LPP: variants seen among roughly 807,000 people sequenced by gnomAD.
The protein encoded by LPP is LIM domain containing preferred translocation partner in lipoma.
Under a neutral mutation model 60.4 loss-of-function variants are expected in LPP, and 38 were observed. The observed-to-expected ratio is 0.63, with a 90% CI of 0.49 to 0.83. The LOEUF is 0.83. Among genes scored for constraint, LPP ranks in the 40% least tolerant of loss-of-function variants. The pLI is 0.00. For synonymous variants in LPP, 328 were observed against 290.8 expected (o/e 1.13, Z -1.30); for missense variants, 902 against 783.6 (o/e 1.15, Z -1.80).
chr3:188,189,850 G>T (rs1727644446), intron 1 of LPP, among the ~76,000 whole-genome samples: 1 of 152,000 alleles, frequency 6.6e-6, no homozygotes, highest in South Asian at 2.1e-4. Flanking sequence ...CTCGGAGGTG[G>T]GGAAGGGTTT....
intron 11 of LPP, 130 bp from the exon 12 acceptor site, chr3:188,874,221 A>G (rs1768941188): frequency 5.7e-6 from 4 of 698,678 alleles, no homozygotes; most frequent in Non-Finnish European, 9.4e-6. Flanking sequence ...GATTAGCAGA[A>G]TGTAAAGCAG....
intron 6 of LPP, among the ~76,000 whole-genome samples, chr3:188,560,124 T>C (rs1830334179): frequency 6.6e-6 from 1 of 152,126 alleles, no homozygotes; most frequent in South Asian, 2.1e-4. Context: ...ATATTTACTT[T>C]TTGACATGGC....
chr3:188,316,011 C>T (rs940984892), intron 2 of LPP, among the ~76,000 whole-genome samples: 10 of 152,190 alleles, frequency 6.6e-5, no homozygotes, highest in Non-Finnish European at 1.3e-4. Flanking sequence ...CGGTGGCTTA[C>T]GCCTATAATC....
intron 4 of LPP, among the ~76,000 whole-genome samples, chr3:188,472,150 AAT>A (rs1802010157): frequency 1.3e-5 from 2 of 152,190 alleles, no homozygotes; most frequent in South Asian, 2.1e-4. Context: ...AATCCTGAAT[AAT>A]TAACCCCAAA....
intron 3 of LPP, among the ~76,000 whole-genome samples, chr3:188,347,400 A>G (rs1010742259): frequency 6.6e-6 from 1 of 152,206 alleles, no homozygotes; most frequent in Non-Finnish European, 1.5e-5. Context: ...ATCATATGAA[A>G]CACATTATGC....
intron 2 of LPP, among the ~76,000 whole-genome samples, chr3:188,280,373 G>A (rs1741507373): frequency 6.6e-6 from 1 of 152,166 alleles, no homozygotes; most frequent in Non-Finnish European, 1.5e-5. Context: ...AAGAGGTTGT[G>A]AGAGAGCAAT....
At chr3:188,289,968 A>G (rs79390807) in intron 2 of LPP, among the ~76,000 whole-genome samples, 249 of 152,026 alleles carry the variant, frequency 1.6e-3, no homozygotes, top group African/African-American at 5.7e-3. Context: ...AGTTCACCCT[A>G]TCTTGGAAGT....
intron 5 of LPP, among the ~76,000 whole-genome samples, chr3:188,518,401 G>A (rs1044757264): frequency 6.6e-6 from 1 of 152,100 alleles, no homozygotes; most frequent in Admixed American, 6.5e-5. Context: ...TGTATTATTA[G>A]CCTCTTAGGT....
At chr3:188,561,954 A>G (rs1472474251) in intron 6 of LPP, among the ~76,000 whole-genome samples, 1 of 152,010 alleles carries the variant, frequency 6.6e-6, no homozygotes, top group Non-Finnish European at 1.5e-5. Context: ...TTTGCAGCGC[A>G]TGGACTTGTG....
At chr3:188,655,585 A>G (rs552568640) in intron 7 of LPP, among the ~76,000 whole-genome samples, 4 of 152,292 alleles carry the variant, frequency 2.6e-5, no homozygotes, top group Non-Finnish European at 5.9e-5. Flanking sequence ...GGATGCTGGA[A>G]CATTACACTG....
At chr3:188,238,818 G>C (rs530523401) in intron 2 of LPP, among the ~76,000 whole-genome samples, 2 of 152,286 alleles carry the variant, frequency 1.3e-5, no homozygotes, top group African/African-American at 4.8e-5. Context: ...GCCATGAAAT[G>C]AGCACATGCT....
intron 4 of LPP, among the ~76,000 whole-genome samples, chr3:188,464,686 C>A (rs538031264): frequency 3.0e-3 from 462 of 152,228 alleles, no homozygotes; most frequent in African/African-American, 0.01. Context: ...TCATTGACTA[C>A]AAGGATGGAT....
chr3:188,760,003 G>A (rs1731638468), intron 8 of LPP, 110 bp from the exon 9 acceptor site: 2 of 845,394 alleles, frequency 2.4e-6, no homozygotes, highest in African/African-American at 3.4e-5. Flanking sequence ...GACGGCAGGA[G>A]TGGTGGTTCT....
rs1731686092 is a variant in LPP at position 188,760,095 on chromosome 3, A to G, written c.1241-18A>G. On this transcript the variant is annotated intron_variant, in intron 8 of 11. Coordinates refer to ENST00000617246, the MANE Select transcript of LPP (RefSeq NM_001375462.1). The stretch of plus-strand genomic sequence containing the variant: ...AAGTACTCCTTGGTGTGTTCTTATC[A>G]AACCCTTTTTTTTCCAGGCCGCTGT... 1 of 1,613,100 alleles carries G rather than the reference A, an allele frequency of 6.2e-7. No homozygotes were observed. Among genetic ancestry groups the G allele is most frequent in the African/African-American group, 1.3e-5 (1 of 74,848 alleles).
intron 7 of LPP, among the ~76,000 whole-genome samples, chr3:188,675,416 A>C (rs61425420): frequency 0.016 from 2,413 of 152,326 alleles, 72 homozygotes; most frequent in African/African-American, 0.055. Flanking sequence ...CACAAAGCAA[A>C]GAAGTAAATA....
intron 1 of LPP, among the ~76,000 whole-genome samples, chr3:188,224,028 A>G (rs1030232897): frequency 6.6e-6 from 1 of 151,866 alleles, no homozygotes; most frequent in Non-Finnish European, 1.5e-5. Context: ...TTACTGGGAG[A>G]GCGTTGAAAT....
At chr3:188,239,915 T>C (rs1723300843) in intron 2 of LPP, 2 of 205,918 alleles carry the variant, frequency 9.7e-6, no homozygotes, top group South Asian at 1.9e-4. Flanking sequence ...TAGGGTAGGA[T>C]ATCAAAATTG....
chr3:188,332,593 G>A (rs1031946004), intron 2 of LPP, among the ~76,000 whole-genome samples: 7 of 152,044 alleles, frequency 4.6e-5, no homozygotes, highest in African/African-American at 7.2e-5. Flanking sequence ...CTTTGGGTTC[G>A]GATTCAAGAA....
At chr3:188,825,269 C>CTCTCTCTCTCTCTG (rs1463318065) in intron 9 of LPP, among the ~76,000 whole-genome samples, 2 of 101,690 alleles carry the variant, frequency 2.0e-5, no homozygotes, top group Non-Finnish European at 3.7e-5. Flanking sequence ...CTCTCTCTCT[C>CTCTCTCTCTCTCTG]TGTGTGTGTG....
Sources: allele counts gnomAD v4.1 joint callset (sites outside exome capture counted in the v4.1 genomes callset), GRCh38; gene constraint gnomAD v4.1.1; transcripts MANE v1.5; gene names NCBI Gene and HGNC (gene_info 2026-07-23, HGNC 2026-07-21).